Variants in INPP5F observed in about 807,000 individuals in gnomAD.
The protein encoded by INPP5F is inositol polyphosphate-5-phosphatase F.
In INPP5F, 97 loss-of-function variants were observed where a neutral mutation model predicts 137.2. That is an observed-to-expected ratio of 0.71 (90% confidence interval 0.60 to 0.84). The LOEUF is 0.84. INPP5F is among the 40% of genes least tolerant of loss of function. The probability of loss-of-function intolerance (pLI) is 0.00; values close to 1 mark genes in which losing one functional copy is unlikely to be tolerated. For missense variants in INPP5F, 1,271 were observed against 1,371.9 expected (o/e 0.93, Z 1.16); for synonymous variants, 504 against 476.9 (o/e 1.06, Z -0.74).
intron 3 of INPP5F, among the ~76,000 whole-genome samples, chr10:119,789,140 G>C (rs1850035783): frequency 6.6e-6 from 1 of 151,412 alleles, no homozygotes; most frequent in Admixed American, 6.6e-5. Context: ...CAGGAGAATT[G>C]TTTGAACCCA....
chr10:119,755,756 T>C (rs187771789), intron 2 of INPP5F, among the ~76,000 whole-genome samples: 1 of 152,316 alleles, frequency 6.6e-6, no homozygotes, highest in East Asian at 1.9e-4. Context: ...TCGAATCAGG[T>C]GACCTCATTT....
chr10:119,748,738 G>A lies in INPP5F; in HGVS notation c.98-2338G>A, dbSNP rs34634053. Among the ~76,000 whole-genome samples, 6,336 of 152,244 alleles carry A rather than the reference G, an allele frequency of 0.042. 234 individuals are homozygous for A. The highest frequency in any genetic ancestry group is 0.22 in the South Asian group (1,044 of 4,822). On this transcript the variant is annotated intron_variant, in intron 1 of 19. Coordinates refer to ENST00000650623, the MANE Select transcript of INPP5F (RefSeq NM_014937.4). The surrounding 1 kb of genome is among the most constrained non-coding windows in gnomAD (Gnocchi z 4.7). Reference sequence around the variant, plus strand: ...AGTGTGTGCTGATTGGTCCATGGGAGGCCACGGACGGCCTGGAGAAAGCAC... The same window carrying A: ...AGTGTGTGCTGATTGGTCCATGGGAAGCCACGGACGGCCTGGAGAAAGCAC...
chr10:119,727,916 A>AAAGAGTC (rs1256700967), intron 1 of INPP5F, among the ~76,000 whole-genome samples: 1 of 152,208 alleles, frequency 6.6e-6, no homozygotes, highest in Admixed American at 6.5e-5. Flanking sequence ...TAGGTTGTCA[A>AAAGAGTC]AAGAGTCAAC....
Position 119,757,498 on chromosome 10 carries a change from TG to T in INPP5F, c.178+6344del, listed in dbSNP as rs373039234. ...TGTAGTATCCAGGAGGAAATAAAAA[TG>T]GTAGTCAAGGCCGGGCATGTGGTGG... is the stretch of plus-strand genomic sequence containing the variant. On this transcript the variant is annotated intron_variant, in intron 2 of 19. Transcript: ENST00000650623. 1.7e-4 allele frequency among the ~76,000 whole-genome samples: 26 copies of T among 151,872 alleles called. No individual in the cohort carries two copies. In the East Asian group the frequency reaches 3.3e-3, roughly 19 times the overall value.
rs574721984 is a variant in INPP5F, at chr10:119,779,567, G to A, written c.179-2068G>A. On this transcript the variant is annotated intron_variant, in intron 2 of 19. Transcript: ENST00000650623. The stretch of plus-strand genomic sequence containing the variant: ...CCCGAGTAGCTGGGACTACAGGTGC[G>A]TGTCCCAACTCCTGGCTAATTCTTT... Among the ~76,000 whole-genome samples the A allele has an allele frequency of 4.6e-5, 7 of 151,966 alleles. No individual in the cohort carries two copies. In the East Asian group the frequency reaches 7.7e-4, roughly 17 times the overall value.
At chr10:119,819,748 G>A (rs1851475131) in intron 15 of INPP5F, 1 of 389,512 alleles carries the variant, frequency 2.6e-6, no homozygotes, top group Non-Finnish European at 4.6e-6. Context: ...TGCAAATTGA[G>A]GTGAATTTGT....
At chr10:119,798,958 A>T (rs1034633327) in intron 9 of INPP5F, among the ~76,000 whole-genome samples, 2 of 152,026 alleles carry the variant, frequency 1.3e-5, no homozygotes, top group African/African-American at 4.8e-5. Context: ...CTGTGTTTGG[A>T]TAGCGTGAAG....
intron 10 of INPP5F, among the ~76,000 whole-genome samples, chr10:119,805,177 GT>G (rs1850725497): frequency 6.6e-6 from 1 of 152,112 alleles, no homozygotes; most frequent in Non-Finnish European, 1.5e-5. Context: ...GTTTTAATGT[GT>G]TTTTAAGTAT....
chr10:119,787,428 T>C lies in INPP5F; in HGVS notation c.316-4089T>C, dbSNP rs545946587. ...GGTGAAACCCTGTCTCTACTAAAAATACAAAACTTAGCCAGGCATGATGGC... is the reference window on the plus strand; with the variant it reads ...GGTGAAACCCTGTCTCTACTAAAAACACAAAACTTAGCCAGGCATGATGGC... On this transcript the variant is annotated intron_variant, in intron 3 of 19. Transcript: ENST00000650623. The surrounding 1 kb of genome is among the most constrained non-coding windows in gnomAD (Gnocchi z 4.1). 2.0e-5 allele frequency among the ~76,000 whole-genome samples: 3 copies of C among 152,160 alleles called. No individual in the cohort carries two copies. The highest frequency in any genetic ancestry group is 2.0e-4 in the Admixed American group (3 of 15,296).
At chr10:119,764,774 A>C (rs1344999931) in intron 2 of INPP5F, among the ~76,000 whole-genome samples, 2 of 151,082 alleles carry the variant, frequency 1.3e-5, no homozygotes, top group East Asian at 3.9e-4. Flanking sequence ...GTAGATATGG[A>C]GTTTCACCAT....
Position 119,820,784 on chromosome 10 carries a change from T to C in INPP5F, c.1887-62T>C, listed in dbSNP as rs757506371. The C allele has an allele frequency of 5.2e-5, 71 of 1,365,100 alleles. 1 individual carries two copies. The highest frequency in any genetic ancestry group is 7.1e-5 in the Non-Finnish European group (68 of 954,196). 84.6% of individuals were successfully genotyped at this position (1,365,100 alleles called of 1,614,324 possible). A position where few individuals can be genotyped will look rare whatever the true frequency, so the allele number is the denominator to read the frequency against. On this transcript the variant is annotated intron_variant, in intron 15 of 19. Coordinates refer to ENST00000650623, the MANE Select transcript of INPP5F (RefSeq NM_014937.4). ...CCTAAGTAGCTCTGCTGTAGAAATA[T>C]GCTTGGCAAAAAATGCAGATGGAAA...
chr10:119,754,395 C>T (rs1024000172), intron 2 of INPP5F, among the ~76,000 whole-genome samples: 2 of 151,298 alleles, frequency 1.3e-5, no homozygotes, highest in East Asian at 3.9e-4. Flanking sequence ...GTGGTCAGCC[C>T]CCTTTATATG....
rs2134240006 is a variant in INPP5F at position 119,804,434 on chromosome 10, T to A, written c.1241+137T>A. The A allele has an allele frequency of 6.8e-6, 5 of 737,648 alleles. No individual in the cohort carries two copies. The South Asian group carries it at 1.3e-4, about 19-fold the overall frequency. 45.7% of individuals were successfully genotyped at this position (737,648 alleles called of 1,614,324 possible). On this transcript the variant is annotated intron_variant, in intron 10 of 19. Coordinates refer to ENST00000650623, the MANE Select transcript of INPP5F (RefSeq NM_014937.4). ...TTGGAAAGAAAAAGGGTATCATTCA[T>A]TTACTTTGTTTTAATTTTCATGTGG...
chr10:119,770,723 A>G (rs1016933943), intron 2 of INPP5F, among the ~76,000 whole-genome samples: 2 of 152,028 alleles, frequency 1.3e-5, no homozygotes, highest in Admixed American at 6.6e-5. Flanking sequence ...TTTTCTTTTC[A>G]TTGTGATAAT....
intron 2 of INPP5F, among the ~76,000 whole-genome samples, chr10:119,777,184 C>T (rs1398707323): frequency 6.6e-6 from 1 of 152,156 alleles, no homozygotes; most frequent in Non-Finnish European, 1.5e-5. Context: ...GATGACCCAC[C>T]ATGCCTGGCC....
intron 9 of INPP5F, among the ~76,000 whole-genome samples, chr10:119,801,739 C>G (rs1430250412): frequency 6.6e-6 from 1 of 151,694 alleles, no homozygotes; most frequent in Non-Finnish European, 1.5e-5. Flanking sequence ...GACTCTGTCT[C>G]CAAAATAAGT....
At chr10:119,805,353 G>T (rs781562852) in intron 10 of INPP5F, 31 bp from the exon 11 acceptor site, 3 of 1,557,334 alleles carry the variant, frequency 1.9e-6, no homozygotes, top group African/African-American at 2.7e-5. Context: ...TTAAATTAAA[G>T]ATTTTTTCTT....
chr10:119,809,269 A>G (rs1485383943), intron 13 of INPP5F, among the ~76,000 whole-genome samples: 1 of 150,372 alleles, frequency 6.7e-6, no homozygotes, highest in East Asian at 1.9e-4. Context: ...GTTAGTGATT[A>G]AAGAGAAATA....
intron 9 of INPP5F, among the ~76,000 whole-genome samples, chr10:119,801,262 C>T (rs954252806): frequency 1.3e-5 from 2 of 152,144 alleles, no homozygotes; most frequent in African/African-American, 4.8e-5. Flanking sequence ...CTTTTAACAG[C>T]GTATGGTATG....
Sources: allele counts gnomAD v4.1 joint callset (sites outside exome capture counted in the v4.1 genomes callset), GRCh38; gene constraint gnomAD v4.1.1; non-coding constraint Gnocchi (gnomAD v3.1); transcripts MANE v1.5; gene names NCBI Gene and HGNC (gene_info 2026-07-23, HGNC 2026-07-21).